DNAH10: variants seen among roughly 807,000 people sequenced by gnomAD.
The protein encoded by DNAH10 is axonemal beta dynein heavy chain 10.
DNAH10 carries 348 observed loss-of-function variants against 506.6 expected under a neutral mutation model. The observed-to-expected ratio is 0.69, with a 90% CI of 0.63 to 0.75. DNAH10 has a LOEUF of 0.75. DNAH10 is among the 30% of genes least tolerant of loss of function. The pLI is 0.00. For missense variants in DNAH10, 5,179 were observed against 5,787.1 expected, an observed-to-expected ratio of 0.89 and a Z score of 3.41; for synonymous variants, 2,059 against 2,198.6, an observed-to-expected ratio of 0.94 and a Z score of 1.78.
In DNAH10 at chr12:123,809,511, G is replaced by C. The variant is rs549140757; in HGVS notation, c.3144+558G>C. On this transcript the variant is annotated intron_variant, in intron 19 of 78. Coordinates refer to ENST00000673944, the MANE Select transcript of DNAH10 (RefSeq NM_001372106.1). ...CAAAACTAAAATTAATTAGCTAGGC[G>C]TGGTGGTGCACACCTGTGTTCCTAG... is the stretch of plus-strand genomic sequence containing the variant. 3.9e-5 allele frequency among the ~76,000 whole-genome samples: 6 copies of C among 152,168 alleles called. No individual in the cohort carries two copies. In the South Asian group the frequency reaches 1.0e-3, roughly 26 times the overall value.
intron 57 of DNAH10, among the ~76,000 whole-genome samples, chr12:123,905,176 G>A (rs533067884): frequency 2.0e-5 from 3 of 152,276 alleles, no homozygotes; most frequent in Non-Finnish European, 4.4e-5. Context: ...GCATGTTGAT[G>A]TATGATGAAC....
chr12:123,799,471 A>G (rs1170897482), intron 14 of DNAH10, 100 bp downstream of exon 14: 8 of 1,458,546 alleles, frequency 5.5e-6, no homozygotes, highest in Non-Finnish European at 7.3e-6. Context: ...AAGTTGGGTC[A>G]GTTTCCAGAA....
intron 19 of DNAH10, among the ~76,000 whole-genome samples, chr12:123,809,977 C>G (rs898453456): frequency 2.6e-5 from 4 of 152,148 alleles, no homozygotes; most frequent in Admixed American, 6.5e-5. Flanking sequence ...TCCCGTCACC[C>G]CCCTCCCATC....
chr12:123,930,630 A>T, intron 73 of DNAH10, 57 bp downstream of exon 73: 1 of 1,570,646 alleles, frequency 6.4e-7, no homozygotes, highest in Non-Finnish European at 8.6e-7. Flanking sequence ...GGGAGACCAT[A>T]CATTTCAACC....
At chr12:123,910,264 G>A (rs1020412542) in intron 58 of DNAH10, among the ~76,000 whole-genome samples, 10 of 152,204 alleles carry the variant, frequency 6.6e-5, no homozygotes, top group African/African-American at 2.4e-4. Flanking sequence ...CCACCTGGGT[G>A]CCCAGTTGGG....
intron 51 of DNAH10, 112 bp from the exon 52 acceptor site, chr12:123,887,030 G>C (rs1952765008): frequency 2.2e-6 from 3 of 1,341,534 alleles, no homozygotes; most frequent in South Asian, 1.6e-5. Flanking sequence ...ACTTCCTCGA[G>C]CTTGGACAGA....
In DNAH10 at chr12:123,762,549, TG is replaced by T; in HGVS notation, c.214+1del. ...TGCCGGAGGAGGTGGAGGTGGAGAT[TG>T]GTGAGCCTCGACGCGCCGCTCCCTT... is the stretch of plus-strand genomic sequence containing the variant. ...MVPEEVEVEI[D>X]EIPVLSEEGE... is the part of the protein sequence containing the mutation. On this transcript the variant is annotated frameshift_variant and splice_region_variant, in exon 1 of 79. Coordinates refer to ENST00000673944, the MANE Select transcript of DNAH10 (RefSeq NM_001372106.1). LOFTEE classifies it high-confidence loss of function. This position sits in a 1 kb window ranked among gnomAD's most constrained non-coding sequence, Gnocchi z 5.0. 6.4e-7 allele frequency: 1 copy of T among 1,554,232 alleles called. No individual in the cohort carries two copies. Among genetic ancestry groups the T allele is most frequent in the South Asian group, 1.2e-5 (1 of 83,504 alleles).
chr12:123,866,223 G>A (rs1594234139), intron 41 of DNAH10, 150 bp downstream of exon 41: 1 of 142,530 alleles, frequency 7.0e-6, no homozygotes, highest in Non-Finnish European at 1.3e-5. Context: ...AAACATGGCA[G>A]ACACACTTTT....
intron 51 of DNAH10, among the ~76,000 whole-genome samples, chr12:123,883,562 G>A (rs971204269): frequency 1.3e-5 from 2 of 152,126 alleles, no homozygotes; most frequent in African/African-American, 4.8e-5. Flanking sequence ...AAATGCCTCT[G>A]TTTTTGCCTC....
rs143378678 is a variant in DNAH10 at position 123,861,558 on chromosome 12, G to A, written c.6908+388G>A. ...TGGCAAGGTAAGTCAAGGAAAGGTA[G>A]CAAAGGGCCATGGAAAGTGCAGGAA... is the stretch of plus-strand genomic sequence containing the variant. On this transcript the variant is annotated intron_variant, in intron 39 of 78. Transcript: ENST00000673944. Among the ~76,000 whole-genome samples, 59 of 152,374 alleles carry A rather than the reference G, an allele frequency of 3.9e-4. 1 individual carries two copies. The highest frequency in any genetic ancestry group is 2.9e-3 in the Admixed American group (44 of 15,308).
At chr12:123,810,692 CA>C (rs1249312224) in intron 19 of DNAH10, among the ~76,000 whole-genome samples, 168 of 138,390 alleles carry the variant, frequency 1.2e-3, no homozygotes, top group African/African-American at 1.4e-3. Context: ...GACTCCGTCT[CA>C]AAAAAAAAAA....
chr12:123,914,852 A>G lies in DNAH10; in HGVS notation c.10575A>G (p.Arg3525=), dbSNP rs760436216. The G allele has an allele frequency of 2.0e-5, 32 of 1,612,616 alleles. No homozygotes were observed. In the Admixed American group the frequency reaches 4.2e-4, roughly 21 times the overall value. The change falls in exon 62 of 79, where the codon AGA becomes AGG. Residue 3525 remains arginine (R), a splice_region_variant and synonymous_variant. Coordinates refer to ENST00000673944, the MANE Select transcript of DNAH10 (RefSeq NM_001372106.1). The part of the protein sequence containing the change: ...SLLTDDVEIS[R]WGSQGLPPDE... ...ATTTCCCAATGGCTGTTTCTTCCAG[A>G]TGGGGATCCCAGGGCCTTCCCCCCG...
At chr12:123,908,294 C>T in intron 57 of DNAH10, 1 of 455,318 alleles carries the variant, frequency 2.2e-6, no homozygotes, top group Non-Finnish European at 4.4e-6. Flanking sequence ...ATGTGTCTCC[C>T]CCTCTGTCCC....
At chr12:123,842,638 T>A (rs1164997134) in intron 30 of DNAH10, among the ~76,000 whole-genome samples, 1 of 152,262 alleles carries the variant, frequency 6.6e-6, no homozygotes, top group Non-Finnish European at 1.5e-5. Context: ...TCCGAGGTAC[T>A]GAGGCATATC....
chr12:123,806,235 G>A (rs1958670039), intron 18 of DNAH10, among the ~76,000 whole-genome samples: 2 of 152,196 alleles, frequency 1.3e-5, no homozygotes, highest in Non-Finnish European at 2.9e-5. Flanking sequence ...CAGCAAGTGT[G>A]TAGGTATCTA....
chr12:123,884,897 C>T (rs906617547), intron 51 of DNAH10, among the ~76,000 whole-genome samples: 2 of 152,108 alleles, frequency 1.3e-5, no homozygotes, highest in Admixed American at 6.5e-5. Context: ...GTACCAGTAG[C>T]CTTTTAGTGT....
chr12:123,833,055 T>C, intron 26 of DNAH10, 59 bp from the exon 27 acceptor site: 1 of 1,376,632 alleles, frequency 7.3e-7, no homozygotes, highest in Admixed American at 2.0e-5. Flanking sequence ...TGTTTTTGGG[T>C]TGGGGCTCGG....
Position 123,925,132 on chromosome 12 carries a change from T to A in DNAH10, c.11849T>A (p.Ile3950Asn). The change falls in exon 68 of 79, where the codon ATT becomes AAT. Residue 3950 changes from isoleucine to asparagine, a missense_variant. Ile to Asn is a moderately radical substitution (Grantham distance 149). Coordinates refer to ENST00000673944, the MANE Select transcript of DNAH10 (RefSeq NM_001372106.1). This position sits in a 1 kb window ranked among gnomAD's most constrained non-coding sequence, Gnocchi z 4.0. Reference sequence around the variant, plus strand: ...ATCACCCCTTTCCAGAAGTTGCTTATTTTGCGCTGTTTCCGTGTGGATCGG... The same window carrying A: ...ATCACCCCTTTCCAGAAGTTGCTTAATTTGCGCTGTTTCCGTGTGGATCGG... ...NNITPFQKLL[I>N]LRCFRVDRVY... 3.7e-6 allele frequency: 6 copies of A among 1,614,040 alleles called. No homozygotes were observed. The highest frequency in any genetic ancestry group is 4.2e-6 in the Non-Finnish European group (5 of 1,179,884).
chr12:123,822,547 C>T (rs1428351619), intron 24 of DNAH10, among the ~76,000 whole-genome samples: 2 of 152,166 alleles, frequency 1.3e-5, no homozygotes, highest in African/African-American at 2.4e-5. Context: ...ATCTGTATTA[C>T]ATTATCTAAT....
Sources: allele counts gnomAD v4.1 joint callset (sites outside exome capture counted in the v4.1 genomes callset), GRCh38; gene constraint gnomAD v4.1.1; non-coding constraint Gnocchi (gnomAD v3.1); transcripts MANE v1.5; gene names NCBI Gene and HGNC (gene_info 2026-07-23, HGNC 2026-07-21).